The following PLA2G4C variants were observed in gnomAD, a reference collection of about 807,000 sequenced individuals.
The protein encoded by PLA2G4C is cytosolic phospholipase A2 gamma.
A neutral mutation model predicts 73.8 loss-of-function variants in PLA2G4C; 64 were observed. That is an observed-to-expected ratio of 0.87 (90% confidence interval 0.71 to 1.07). The LOEUF is 1.07. PLA2G4C is among the 50% of genes least tolerant of loss of function. The pLI, the probability that PLA2G4C is intolerant of heterozygous loss-of-function variation, is 0.00. For synonymous variants in PLA2G4C, 254 were observed against 252.1 expected (o/e 1.01, Z -0.07); for missense variants, 622 against 665.4 (o/e 0.93, Z 0.72).
rs759065549 is a variant in PLA2G4C at position 48,099,869 on chromosome 19, C to A, written c.258-9G>T. 1.3e-5 allele frequency: 21 copies of A among 1,602,820 alleles called. No homozygotes were observed. In the South Asian group the frequency reaches 2.2e-4, roughly 17 times the overall value. ...AGAGAGAAGATATTGCCCTGGAGGACAGAGGAAGAGAGTGAGTTGGGCATT... is the reference window on the plus strand; with the variant it reads ...AGAGAGAAGATATTGCCCTGGAGGAAAGAGGAAGAGAGTGAGTTGGGCATT... On this transcript the variant is annotated splice_polypyrimidine_tract_variant and intron_variant, in intron 4 of 16. Coordinates refer to ENST00000599921, the MANE Select transcript of PLA2G4C (RefSeq NM_003706.3).
chr19:48,080,592 C>T (rs1421222882), intron 10 of PLA2G4C, among the ~76,000 whole-genome samples: 1 of 151,722 alleles, frequency 6.6e-6, no homozygotes, highest in African/African-American at 2.4e-5. Context: ...GGAGATCACT[C>T]GAGGTCAGGC....
At chr19:48,076,588 C>A (rs1164131752) in intron 11 of PLA2G4C, among the ~76,000 whole-genome samples, 1 of 151,958 alleles carries the variant, frequency 6.6e-6, no homozygotes, top group Non-Finnish European at 1.5e-5. Context: ...ACTAAAAATA[C>A]AAAAATTAGC....
intron 3 of PLA2G4C, among the ~76,000 whole-genome samples, chr19:48,105,082 CAAAAAAAAAAAA>C: frequency 2.3e-5 from 2 of 87,602 alleles, no homozygotes; most frequent in South Asian, 4.7e-4. Context: ...GACGTTGTCT[CAAAAAAAAAAAA>C]AAAAAAAAAA....
At position 48,104,805 on chromosome 19, in the gene PLA2G4C, G is replaced by A. The variant is rs563307372; in HGVS notation, c.121-81C>T. 9.9e-5 allele frequency: 138 copies of A among 1,398,212 alleles called. 1 individual carries two copies. The East Asian group carries it at 1.9e-3, about 19-fold the overall frequency. 86.6% of individuals were successfully genotyped at this position (1,398,212 alleles called of 1,614,324 possible). A position where few individuals can be genotyped will look rare whatever the true frequency, so the allele number is the denominator to read the frequency against. On this transcript the variant is annotated intron_variant, in intron 3 of 16. Transcript: ENST00000599921. ...AACAAGAAGAAGGGTACCTGGGGCC[G>A]GGCACCGTGGCTCACGCCTGTAATC... is the stretch of plus-strand genomic sequence containing the variant.
chr19:48,071,444 C>T lies in PLA2G4C; in HGVS notation c.1006+3323G>A, dbSNP rs555052854. On this transcript the variant is annotated intron_variant, in intron 12 of 16. Coordinates refer to ENST00000599921, the MANE Select transcript of PLA2G4C (RefSeq NM_003706.3). ...TAGCTAGGATTACAGGCATGTGCCA[C>T]CACGCCCGGCGAATTTTGTATTTTT... Among the ~76,000 whole-genome samples the T allele has an allele frequency of 6.8e-4, 103 of 152,154 alleles. 2 individuals carry two copies. In the South Asian group the frequency reaches 0.012, roughly 17 times the overall value.
At chr19:48,074,673 G>A in intron 12 of PLA2G4C, 94 bp downstream of exon 12, 1 of 821,638 alleles carries the variant, frequency 1.2e-6, no homozygotes, top group Non-Finnish European at 2.2e-6. Context: ...CATGTCCCCT[G>A]CAGGACTGGC....
intron 9 of PLA2G4C, 49 bp downstream of exon 9, chr19:48,088,637 G>A (rs768057097): frequency 1.4e-6 from 2 of 1,399,572 alleles, no homozygotes; most frequent in Admixed American, 1.7e-5. Flanking sequence ...TCAAGCAAGT[G>A]TGCGGTCCCC....
Position 48,072,099 on chromosome 19 carries a change from T to C in PLA2G4C, c.1006+2668A>G, listed in dbSNP as rs776872335. On this transcript the variant is annotated intron_variant, in intron 12 of 16. Coordinates refer to ENST00000599921, the MANE Select transcript of PLA2G4C (RefSeq NM_003706.3). This position sits in a 1 kb window ranked among gnomAD's most constrained non-coding sequence, Gnocchi z 4.4. ...AGGCAGAGGTTGCAGTGAGCCAAGA[T>C]TGCACCACCGCACTCCAGCTTGGGT... 1.3e-5 allele frequency among the ~76,000 whole-genome samples: 2 copies of C among 151,756 alleles called. No homozygotes were observed. The highest frequency in any genetic ancestry group is 4.2e-4 in the South Asian group (2 of 4,792).
At chr19:48,060,417 C>A (rs1310483243) in intron 14 of PLA2G4C, among the ~76,000 whole-genome samples, 2 of 152,126 alleles carry the variant, frequency 1.3e-5, no homozygotes, top group East Asian at 3.9e-4. Flanking sequence ...TCTCTGAAGT[C>A]GTCTTTGATT....
chr19:48,080,756 A>T (rs1280987282), intron 10 of PLA2G4C, among the ~76,000 whole-genome samples: 1 of 150,074 alleles, frequency 6.7e-6, no homozygotes, highest in African/African-American at 2.5e-5. Flanking sequence ...TTGCAGTGAG[A>T]TTGCACCACT....
intron 13 of PLA2G4C, among the ~76,000 whole-genome samples, chr19:48,067,260 TG>T (rs1442372334): frequency 6.6e-6 from 1 of 151,456 alleles, no homozygotes; most frequent in Non-Finnish European, 1.5e-5. Context: ...CTCTGCCTCC[TG>T]GGTTCAAACG....
chr19:48,053,289 A>G (rs772886495), intron 15 of PLA2G4C, 142 bp from the exon 16 acceptor site: 11 of 488,514 alleles, frequency 2.3e-5, no homozygotes, highest in East Asian at 6.4e-5. Flanking sequence ...GGCTTTATAA[A>G]TAAAGTTTTA....
intron 5 of PLA2G4C, 31 bp from the exon 6 acceptor site, chr19:48,098,290 G>C: frequency 6.3e-7 from 1 of 1,588,226 alleles, no homozygotes; most frequent in South Asian, 1.1e-5. Context: ...ACAGTGTGAG[G>C]GAGGCATGTG....
chr19:48,074,925 A>G, intron 11 of PLA2G4C, 51 bp from the exon 12 acceptor site: 1 of 1,152,416 alleles, frequency 8.7e-7, no homozygotes, highest in Non-Finnish European at 1.3e-6. Flanking sequence ...TACCCTACCA[A>G]GAACATCACA....
In PLA2G4C at chr19:48,066,428, C is replaced by T. The variant is rs147844885; in HGVS notation, c.1102+1363G>A. On this transcript the variant is annotated intron_variant, in intron 13 of 16. Coordinates refer to ENST00000599921, the MANE Select transcript of PLA2G4C (RefSeq NM_003706.3). ...GATGGTGTATTCCGAGGCCATAAGA[C>T]CCGGCAGCTGCATGGCATGGTGCGC... 1.4e-3 allele frequency among the ~76,000 whole-genome samples: 214 copies of T among 152,222 alleles called. 3 individuals carry two copies. Among genetic ancestry groups the T allele is most frequent in the African/African-American group, 4.8e-3 (201 of 41,538 alleles).
In PLA2G4C at chr19:48,079,156, C is replaced by T. The variant is rs2030374462; in HGVS notation, c.845-1332G>A. On this transcript the variant is annotated intron_variant, in intron 10 of 16. Transcript: ENST00000599921. ...GTGCTGGGATTACAGACGTGAGCTA[C>T]CATGCCCAGCCACAATCCCAAAATC... 2.0e-5 allele frequency among the ~76,000 whole-genome samples: 3 copies of T among 152,130 alleles called. 1 individual carries two copies. In the South Asian group the frequency reaches 6.2e-4, roughly 32 times the overall value.
At chr19:48,074,901 A>C in intron 11 of PLA2G4C, 27 bp from the exon 12 acceptor site, 4 of 1,460,584 alleles carry the variant, frequency 2.7e-6, no homozygotes, top group Non-Finnish European at 3.8e-6. Flanking sequence ...AGGTGGTCTC[A>C]GACACTGTCC....
chr19:48,065,791 A>C (rs888363591), intron 13 of PLA2G4C, among the ~76,000 whole-genome samples: 8 of 151,940 alleles, frequency 5.3e-5, no homozygotes, highest in African/African-American at 1.9e-4. Context: ...ACAGAATGTA[A>C]ATGTTTCTTA....
chr19:48,071,595 C>A (rs1243274305), intron 12 of PLA2G4C, among the ~76,000 whole-genome samples: 2 of 152,006 alleles, frequency 1.3e-5, no homozygotes, highest in African/African-American at 4.8e-5. Flanking sequence ...CCACACCCGG[C>A]CATTCTATCT....
Sources: gnomAD v4.1 joint callset for allele counts (sites outside exome capture counted in the v4.1 genomes callset) on GRCh38, gnomAD v4.1.1 for gene constraint, Gnocchi (gnomAD v3.1) non-coding constraint, MANE v1.5 for transcripts, NCBI Gene and HGNC (gene_info 2026-07-23, HGNC 2026-07-21) for gene names.